LCLAT1: variants seen among roughly 807,000 people sequenced by gnomAD.
LCLAT1 encodes the protein 1-AGP acyltransferase 8.
Under a neutral mutation model 30.7 loss-of-function variants are expected in LCLAT1, and 11 were observed. That is an observed-to-expected ratio of 0.36 (90% CI 0.23 to 0.59). The LOEUF (loss-of-function observed/expected upper bound fraction) is 0.59. Ranked by LOEUF, LCLAT1 falls within the 20% of genes least tolerant of loss-of-function variation. The probability of loss-of-function intolerance (pLI) is 0.77; values close to 1 mark genes in which losing one functional copy is unlikely to be tolerated. For synonymous variants in LCLAT1, 155 were observed against 151.3 expected, an observed-to-expected ratio of 1.02 and a Z score of -0.18; for missense variants, 402 against 458.6, an observed-to-expected ratio of 0.88 and a Z score of 1.13.
chr2:30,448,289 C>G (rs1681367090), intron 1 of LCLAT1, among the ~76,000 whole-genome samples: 1 of 152,222 alleles, frequency 6.6e-6, no homozygotes, highest in African/African-American at 2.4e-5. Flanking sequence ...GAAACGTCAT[C>G]TCATGAAGTA....
chr2:30,496,837 T>C (rs1208336651), intron 1 of LCLAT1, among the ~76,000 whole-genome samples: 1 of 152,218 alleles, frequency 6.6e-6, no homozygotes, highest in African/African-American at 2.4e-5. Flanking sequence ...TCTTCAGCCC[T>C]GTCTCCACCT....
At chr2:30,500,203 A>G (rs981691504) in intron 1 of LCLAT1, among the ~76,000 whole-genome samples, 35 of 152,342 alleles carry the variant, frequency 2.3e-4, no homozygotes, top group Admixed American at 3.3e-4. Context: ...TCATGAAAAC[A>G]TCTCAAGTAT....
chr2:30,593,717 TTTCTC>T (rs1666795546), intron 5 of LCLAT1, among the ~76,000 whole-genome samples: 1 of 152,152 alleles, frequency 6.6e-6, no homozygotes, highest in African/African-American at 2.4e-5. Context: ...TGGAAAATAG[TTTCTC>T]TTCTAATTAA....
intron 5 of LCLAT1, among the ~76,000 whole-genome samples, chr2:30,592,189 A>G (rs1180562975): frequency 6.6e-6 from 1 of 152,242 alleles, no homozygotes; most frequent in Non-Finnish European, 1.5e-5. Flanking sequence ...CATCAAAGAA[A>G]TGAACCAAAA....
chr2:30,497,099 T>C (rs935102028), intron 1 of LCLAT1, among the ~76,000 whole-genome samples: 1 of 152,242 alleles, frequency 6.6e-6, no homozygotes, highest in African/African-American at 2.4e-5. Context: ...TTGCAAAATA[T>C]AGTAAAACTG....
At chr2:30,595,383 G>A (rs1359190785) in intron 5 of LCLAT1, among the ~76,000 whole-genome samples, 1 of 152,090 alleles carries the variant, frequency 6.6e-6, no homozygotes, top group African/African-American at 2.4e-5. Context: ...AATGTCTTGA[G>A]TGTAATTATG....
In LCLAT1 at chr2:30,486,497, G is replaced by T. The variant is rs80051101; in HGVS notation, c.-4-39090G>T. ...TGCTCCCCAGAATACAGCCAGACTT[G>T]TCCTCTCACTCTTCCAGTGTACTGT... On this transcript the variant is annotated intron_variant, in intron 1 of 5. Transcript: ENST00000379509. Among the ~76,000 whole-genome samples, 275 of 152,238 alleles carry T rather than the reference G, an allele frequency of 1.8e-3. 1 individual carries two copies. The highest frequency in any genetic ancestry group is 5.9e-3 in the African/African-American group (245 of 41,560).
chr2:30,552,869 TG>T (rs1417823982), intron 3 of LCLAT1, among the ~76,000 whole-genome samples: 1 of 152,230 alleles, frequency 6.6e-6, no homozygotes, highest in Admixed American at 6.5e-5. Flanking sequence ...CTGTTCCTAT[TG>T]TTCATTCTCA....
chr2:30,601,671 T>TGTAGAAAACAATATGTTTTAATGAAA (rs1380314907), intron 5 of LCLAT1, among the ~76,000 whole-genome samples: 4,288 of 38,576 alleles, frequency 0.11, 211 homozygotes, highest in African/African-American at 0.41. Flanking sequence ...GATTAATAGA[T>TGTAGAAAACAATATGTTTTAATGAAA]GCACTTTAAA....
chr2:30,577,968 A>T (rs906421967), intron 5 of LCLAT1, among the ~76,000 whole-genome samples: 1 of 152,160 alleles, frequency 6.6e-6, no homozygotes, highest in Non-Finnish European at 1.5e-5. Flanking sequence ...AATAATCTAC[A>T]TACACTACAT....
At chr2:30,528,861 A>G (rs965717179) in intron 2 of LCLAT1, among the ~76,000 whole-genome samples, 4 of 152,172 alleles carry the variant, frequency 2.6e-5, no homozygotes, top group Admixed American at 2.0e-4. Flanking sequence ...TAAGAAATGT[A>G]TAGATGTTGA....
chr2:30,540,810 G>T (rs112853355), intron 3 of LCLAT1, among the ~76,000 whole-genome samples: 1 of 151,780 alleles, frequency 6.6e-6, no homozygotes, highest in Non-Finnish European at 1.5e-5. Flanking sequence ...GATTACAGGC[G>T]CCTGCCACCA....
chr2:30,478,229 T>G (rs1683143531), intron 1 of LCLAT1, among the ~76,000 whole-genome samples: 1 of 152,192 alleles, frequency 6.6e-6, no homozygotes, highest in Non-Finnish European at 1.5e-5. Context: ...AAGACTGTGT[T>G]GTTATTAGTG....
Position 30,563,931 on chromosome 2 carries a change from G to A in LCLAT1, c.511+1639G>A, listed in dbSNP as rs75404206. Among the ~76,000 whole-genome samples, 1,313 of 152,210 alleles carry A rather than the reference G, an allele frequency of 8.6e-3. 9 individuals carry two copies. Among genetic ancestry groups the A allele is most frequent in the Non-Finnish European group, 0.015 (1,024 of 67,994 alleles). ...GCAGATGGAACTGAGCTAAATGAAC[G>A]GTGGCACTTTTTTTATACTAGTCAG... On this transcript the variant is annotated intron_variant, in intron 4 of 5. Transcript: ENST00000379509.
In LCLAT1 at chr2:30,641,402, A is replaced by G. The variant is rs537779945; in HGVS notation, c.*783A>G. 1.3e-5 allele frequency: 2 copies of G among 152,332 alleles called. No individual in the cohort carries two copies. The highest frequency in any genetic ancestry group is 4.1e-4 in the South Asian group (2 of 4,826). 9.4% of individuals were successfully genotyped at this position (152,332 alleles called of 1,614,324 possible). On this transcript the variant is annotated 3_prime_UTR_variant, in exon 6 of 6. Coordinates refer to ENST00000379509, the MANE Select transcript of LCLAT1 (RefSeq NM_001002257.3). The stretch of plus-strand genomic sequence containing the variant: ...TTTCTTACAACATTTTGGCAGGTGT[A>G]GCTTTTTCTGTTAAAAATGGTATAC...
intron 3 of LCLAT1, among the ~76,000 whole-genome samples, chr2:30,537,499 G>C (rs183066604): frequency 5.4e-5 from 8 of 149,330 alleles, no homozygotes; most frequent in Non-Finnish European, 8.9e-5. Flanking sequence ...TCAATTCAGC[G>C]AGAGGATATA....
chr2:30,594,181 CTA>C (rs1450612821), intron 5 of LCLAT1, among the ~76,000 whole-genome samples: 1 of 151,802 alleles, frequency 6.6e-6, no homozygotes, highest in Non-Finnish European at 1.5e-5. Context: ...TATTTTTAGT[CTA>C]TATGTTATTC....
At chr2:30,589,119 C>G in intron 5 of LCLAT1, among the ~76,000 whole-genome samples, 1 of 152,176 alleles carries the variant, frequency 6.6e-6, no homozygotes, top group East Asian at 1.9e-4. Context: ...GCCTGCTTTC[C>G]AGTTCATCAG....
At chr2:30,533,341 T>G in intron 3 of LCLAT1, 27 bp downstream of exon 3, 1 of 1,585,338 alleles carries the variant, frequency 6.3e-7, no homozygotes, top group Non-Finnish European at 8.7e-7. Context: ...TTATTTTAAG[T>G]GGTTCATTCA....
Sources: gnomAD v4.1 joint callset for allele counts (sites outside exome capture counted in the v4.1 genomes callset) on GRCh38, gnomAD v4.1.1 for gene constraint, MANE v1.5 for transcripts, NCBI Gene and HGNC (gene_info 2026-07-23, HGNC 2026-07-21) for gene names.